The following GON4L variants were observed in gnomAD, a reference collection of about 807,000 sequenced individuals.
The protein encoded by GON4L is GON-4-like protein.
GON4L carries 87 observed loss-of-function variants against 211.8 expected under a neutral mutation model. The ratio of observed to expected loss-of-function variants is 0.41; its 90% confidence interval spans 0.35 to 0.49. The LOEUF (loss-of-function observed/expected upper bound fraction) is 0.49, where lower values mean the gene tolerates loss of function less well. Ranked by LOEUF, GON4L falls within the 20% of genes least tolerant of loss-of-function variation. The probability of loss-of-function intolerance (pLI) is 0.15; values close to 1 mark genes in which losing one functional copy is unlikely to be tolerated. For missense variants in GON4L, 2,155 were observed against 2,659.5 expected, an observed-to-expected ratio of 0.81 and a Z score of 4.17; for synonymous variants, 875 against 962.6, an observed-to-expected ratio of 0.91 and a Z score of 1.68.
At chr1:155,785,485 T>C in intron 12 of GON4L, 111 bp from the exon 13 acceptor site, 2 of 808,562 alleles carry the variant, frequency 2.5e-6, no homozygotes, top group Admixed American at 1.7e-5. Context: ...AAATTCTTCA[T>C]ATCTATCCTT....
rs533795061 is a variant in GON4L, at chr1:155,778,819, C to A, written c.1893-999G>T. Among the ~76,000 whole-genome samples, 192 of 151,998 alleles carry A rather than the reference C, an allele frequency of 1.3e-3. 1 individual carries two copies. The highest frequency in any genetic ancestry group is 4.5e-3 in the African/African-American group (185 of 41,530). ...GAACATGCAGTGTTGTTTTTCTGTT[C>A]TTACGTTAGCTTGCTGATGGCTTCA... is the stretch of plus-strand genomic sequence containing the variant. On this transcript the variant is annotated intron_variant, in intron 14 of 31. Coordinates refer to ENST00000368331, the MANE Select transcript of GON4L (RefSeq NM_001282860.2).
At chr1:155,751,514 A>C (rs1027185284) in intron 31 of GON4L, among the ~76,000 whole-genome samples, 1 of 152,160 alleles carries the variant, frequency 6.6e-6, no homozygotes, top group South Asian at 2.1e-4. Context: ...GTGCCACTGC[A>C]CTCCAGCCTA....
At chr1:155,790,502 A>G (rs891079989) in intron 12 of GON4L, among the ~76,000 whole-genome samples, 5 of 152,086 alleles carry the variant, frequency 3.3e-5, no homozygotes, top group Non-Finnish European at 7.4e-5. Context: ...TCAGCCTCCC[A>G]AAGTGCTGGG....
At chr1:155,752,638 A>G (rs1660722343) in intron 29 of GON4L, 48 bp from the exon 30 acceptor site, 2 of 1,553,676 alleles carry the variant, frequency 1.3e-6, no homozygotes, top group African/African-American at 2.7e-5. Flanking sequence ...TTCAAGATGC[A>G]CCTAAGCACG....
intron 24 of GON4L, among the ~76,000 whole-genome samples, chr1:155,758,568 T>C (rs1018613775): frequency 2.0e-5 from 3 of 152,032 alleles, no homozygotes; most frequent in African/African-American, 4.8e-5. Flanking sequence ...GCCTGTGTTG[T>C]CCAGGCTCAT....
At position 155,798,492 on chromosome 1, in the gene GON4L, C is replaced by G. The variant is rs1301636018; in HGVS notation, c.1646-3341G>C. On this transcript the variant is annotated intron_variant, in intron 11 of 31. Transcript: ENST00000368331. Reference sequence around the variant, plus strand: ...AGGGGCGATCTCGGCTCGCTGCAAGCTCTGCCTCCCGGGTTCACGCCATTC... The same window carrying G: ...AGGGGCGATCTCGGCTCGCTGCAAGGTCTGCCTCCCGGGTTCACGCCATTC... Among the ~76,000 whole-genome samples, 3 of 148,286 alleles carry G rather than the reference C, an allele frequency of 2.0e-5. No individual in the cohort carries two copies. The Admixed American group carries it at 2.1e-4, about 10-fold the overall frequency.
chr1:155,819,411 A>G (rs1211641638), intron 6 of GON4L, among the ~76,000 whole-genome samples: 1 of 152,116 alleles, frequency 6.6e-6, no homozygotes, highest in African/African-American at 2.4e-5. Flanking sequence ...GAATACACCA[A>G]TTCCTTTTCT....
intron 23 of GON4L, among the ~76,000 whole-genome samples, chr1:155,761,456 G>A (rs1661792238): frequency 6.6e-6 from 1 of 151,084 alleles, no homozygotes; most frequent in East Asian, 1.9e-4. Context: ...CTCCCAAAGT[G>A]CTGGCATTAT....
chr1:155,795,501 G>T (rs1391257472), intron 11 of GON4L, among the ~76,000 whole-genome samples: 2 of 152,196 alleles, frequency 1.3e-5, no homozygotes, highest in Non-Finnish European at 1.5e-5. Flanking sequence ...ATTAGAGAAT[G>T]ACTATATAAT....
At chr1:155,845,984 G>A (rs1024786886) in intron 2 of GON4L, 13 of 209,150 alleles carry the variant, frequency 6.2e-5, no homozygotes, top group Middle Eastern at 2.5e-3. Flanking sequence ...CAAGCTTCTG[G>A]GTACCAGAAG....
chr1:155,788,054 C>T (rs757522608), intron 12 of GON4L, among the ~76,000 whole-genome samples: 7 of 152,104 alleles, frequency 4.6e-5, no homozygotes, highest in Non-Finnish European at 1.0e-4. Flanking sequence ...CGCGGTGGCG[C>T]GGTCTCAGCT....
chr1:155,799,432 C>T (rs1177409358), intron 11 of GON4L, among the ~76,000 whole-genome samples: 4 of 152,136 alleles, frequency 2.6e-5, no homozygotes, highest in Non-Finnish European at 5.9e-5. Flanking sequence ...GAGACCCTGT[C>T]TCAAAACAAA....
chr1:155,829,096 G>C (rs1571882220), intron 2 of GON4L, among the ~76,000 whole-genome samples: 1 of 152,270 alleles, frequency 6.6e-6, no homozygotes, highest in South Asian at 2.1e-4. Flanking sequence ...GCCTAGCCTG[G>C]AGTGCAGTAG....
intron 17 of GON4L, chr1:155,773,511 T>C: frequency 2.7e-6 from 1 of 363,990 alleles, no homozygotes; most frequent in African/African-American, 2.1e-5. Context: ...CAATAGCGTA[T>C]GCTCAAAAAT....
intron 2 of GON4L, among the ~76,000 whole-genome samples, chr1:155,842,250 G>T (rs1249514611): frequency 1.3e-5 from 2 of 151,290 alleles, no homozygotes; most frequent in Non-Finnish European, 1.5e-5. Flanking sequence ...TTGGGGCAGG[G>T]GTGGTGGCTC....
At chr1:155,827,153 G>T (rs897294224) in intron 2 of GON4L, 125 bp from the exon 3 acceptor site, 11 of 735,138 alleles carry the variant, frequency 1.5e-5, no homozygotes, top group Admixed American at 4.3e-5. Flanking sequence ...ATACTATATA[G>T]GAATTTTCCT....
intron 12 of GON4L, among the ~76,000 whole-genome samples, chr1:155,787,705 G>A (rs547829561): frequency 5.3e-5 from 8 of 152,236 alleles, no homozygotes; most frequent in Admixed American, 5.2e-4. Context: ...CCCAGGAGGT[G>A]GAGGTTGCAC....
intron 10 of GON4L, among the ~76,000 whole-genome samples, chr1:155,806,744 C>A (rs1274878225): frequency 2.0e-5 from 3 of 152,100 alleles, no homozygotes; most frequent in Admixed American, 2.0e-4. Flanking sequence ...TATAGATATA[C>A]CACTTTTGTT....
At chr1:155,745,626 G>A (rs1336046897), downstream of GON4L, among the ~76,000 whole-genome samples, 46 of 152,280 alleles carry the variant, frequency 3.0e-4, no homozygotes, top group Middle Eastern at 3.4e-3. Context: ...CCCGCCTCTC[G>A]CGGCAACCAC....
Sources: allele counts gnomAD v4.1 joint callset (sites outside exome capture counted in the v4.1 genomes callset), GRCh38; gene constraint gnomAD v4.1.1; transcripts MANE v1.5; gene names NCBI Gene and HGNC (gene_info 2026-07-23, HGNC 2026-07-21).